Variants in FAAH2 observed in about 807,000 individuals in gnomAD.
FAAH2 encodes fatty-acid amide hydrolase 2.
Under a neutral mutation model 36.9 loss-of-function variants are expected in FAAH2, and 60 were observed. The ratio of observed to expected loss-of-function variants is 1.63; its 90% CI spans 1.32 to 2.02. The LOEUF (loss-of-function observed/expected upper bound fraction) is 2.02, where lower values mean the gene tolerates loss of function less well. FAAH2 is among the 30% of genes most tolerant of loss of function. FAAH2 has a pLI of 0.00. For synonymous variants in FAAH2, 214 were observed against 143.8 expected (o/e 1.49, Z -3.49); for missense variants, 689 against 397.5 (o/e 1.73, Z -6.23).
the FAAH2 span, among the ~76,000 whole-genome samples, chrX:57,155,591 G>A: frequency 3.6e-5 from 4 of 112,190 alleles, no homozygotes; most frequent in African/African-American, 1.3e-4. Flanking sequence ...CTAGCCTTCA[G>A]GCTGAGAAAA....
the FAAH2 span, among the ~76,000 whole-genome samples, chrX:57,170,335 A>G: frequency 8.9e-6 from 1 of 112,005 alleles, no homozygotes; most frequent in East Asian, 2.8e-4. Context: ...ATAATATTCT[A>G]TTGTATGACT....
At chrX:57,131,791 G>C in the FAAH2 span, among the ~76,000 whole-genome samples, 3 of 111,592 alleles carry the variant, frequency 2.7e-5, no homozygotes, top group Non-Finnish European at 5.6e-5. Context: ...AATAAATATA[G>C]GAAATGAGTT....
At chrX:57,362,926 T>C (rs2054321341) in intron 5 of FAAH2, among the ~76,000 whole-genome samples, 1 of 111,971 alleles carries the variant, frequency 8.9e-6, no homozygotes, top group South Asian at 3.7e-4. Flanking sequence ...TCCTGTTCCA[T>C]TGGTCTAGGT....
chrX:57,370,658 T>C (rs776649565), intron 5 of FAAH2, among the ~76,000 whole-genome samples: 1 of 112,186 alleles, frequency 8.9e-6, no homozygotes, highest in African/African-American at 3.2e-5. Flanking sequence ...CCATCGCCTG[T>C]TAGAAACTGG....
chrX:57,416,367 A>T (rs2055842722), intron 7 of FAAH2, among the ~76,000 whole-genome samples: 1 of 110,369 alleles, frequency 9.1e-6, no homozygotes, highest in Non-Finnish European at 1.9e-5. Context: ...TGGCTGGTAC[A>T]GTTTTTTCCT....
the FAAH2 span, among the ~76,000 whole-genome samples, chrX:57,231,451 C>T: frequency 9.0e-6 from 1 of 111,508 alleles, no homozygotes; most frequent in African/African-American, 3.3e-5. Context: ...CTAATAGTTC[C>T]TCACTATTTT....
intron 10 of FAAH2, among the ~76,000 whole-genome samples, chrX:57,459,217 C>T (rs1328626638): frequency 8.9e-6 from 1 of 112,416 alleles, no homozygotes; most frequent in East Asian, 2.8e-4. Flanking sequence ...CCTGAAAGTA[C>T]AGGCTGAAGG....
intron 2 of FAAH2, among the ~76,000 whole-genome samples, chrX:57,296,799 T>C (rs1338150932): frequency 2.7e-5 from 3 of 111,522 alleles, no homozygotes. Flanking sequence ...CAGAACTACA[T>C]GATGAATGCA....
At chrX:57,419,067 A>C (rs1288993190) in intron 7 of FAAH2, among the ~76,000 whole-genome samples, 1 of 106,679 alleles carries the variant, frequency 9.4e-6, no homozygotes, top group African/African-American at 3.4e-5. Context: ...TTATGGCTGC[A>C]TAGTATTCCA....
At chrX:57,480,308 A>C (rs1245004028) in intron 10 of FAAH2, among the ~76,000 whole-genome samples, 1 of 111,924 alleles carries the variant, frequency 8.9e-6, no homozygotes, top group Non-Finnish European at 1.9e-5. Context: ...AGACACAACC[A>C]AAAAATAGAA....
chrX:57,458,503 A>C (rs1386895791), intron 10 of FAAH2, among the ~76,000 whole-genome samples: 1 of 111,315 alleles, frequency 9.0e-6, no homozygotes, highest in East Asian at 2.8e-4. Flanking sequence ...AAAAAAAACA[A>C]AAAAATCCTA....
chrX:57,471,049 T>C (rs981171047), intron 10 of FAAH2, among the ~76,000 whole-genome samples: 1 of 111,877 alleles, frequency 8.9e-6, no homozygotes, highest in Admixed American at 9.5e-5. Context: ...TCAACAGCCC[T>C]TCATGGTAAA....
chrX:57,420,616 T>C (rs2055992023), intron 7 of FAAH2, among the ~76,000 whole-genome samples: 1 of 109,834 alleles, frequency 9.1e-6, no homozygotes, highest in African/African-American at 3.3e-5. Flanking sequence ...TAAGGAGATT[T>C]TGGGCTGAGA....
the FAAH2 span, among the ~76,000 whole-genome samples, chrX:57,215,528 C>A: frequency 1.8e-5 from 2 of 111,529 alleles, no homozygotes; most frequent in Non-Finnish European, 3.8e-5. Flanking sequence ...ATGTTTACTG[C>A]AGCACTATTT....
At chrX:57,378,574 T>A in intron 5 of FAAH2, 77 bp from the exon 6 acceptor site, 1 of 1,150,857 alleles carries the variant, frequency 8.7e-7, no homozygotes, top group Non-Finnish European at 1.2e-6. Flanking sequence ...TAAGATAGAT[T>A]AAACACCATA....
chrX:57,363,104 T>C (rs369288603), intron 5 of FAAH2, among the ~76,000 whole-genome samples: 2 of 112,250 alleles, frequency 1.8e-5, no homozygotes, highest in South Asian at 3.7e-4. Flanking sequence ...ATTCTAATTC[T>C]GCAATAACTC....
At chrX:57,476,012 A>G (rs2057259780) in intron 10 of FAAH2, among the ~76,000 whole-genome samples, 1 of 111,258 alleles carries the variant, frequency 9.0e-6, no homozygotes, top group African/African-American at 3.3e-5. Context: ...GTTTGTGTAT[A>G]GGAATGCTTG....
chrX:57,445,702 G>A lies in FAAH2; in HGVS notation c.1117-1226G>A, dbSNP rs189702908. 7.1e-5 allele frequency among the ~76,000 whole-genome samples: 8 copies of A among 112,082 alleles called. No individual in the cohort carries two copies. The East Asian group carries it at 2.3e-3, about 32-fold the overall frequency. On this transcript the variant is annotated intron_variant, in intron 8 of 10. Coordinates refer to ENST00000374900, the MANE Select transcript of FAAH2 (RefSeq NM_174912.4). ...CTATAGCTACGCTGGTACCCAACTT[G>A]CAAGACAAAATCTTCTGTACTTTTC...
At chrX:57,332,068 C>T (rs757178235) in intron 4 of FAAH2, among the ~76,000 whole-genome samples, 10 of 111,364 alleles carry the variant, frequency 9.0e-5, no homozygotes, top group African/African-American at 2.0e-4. Context: ...TAGGAAACAT[C>T]GTAAAGTGTT....
Sources: gnomAD v4.1 joint callset for allele counts (sites outside exome capture counted in the v4.1 genomes callset) on GRCh38, gnomAD v4.1.1 for gene constraint, MANE v1.5 for transcripts, NCBI Gene and HGNC (gene_info 2026-07-23, HGNC 2026-07-21) for gene names.